Variants in CCNF observed in about 807,000 individuals in gnomAD.
The protein encoded by CCNF is cyclin F, also known as cyclin-F.
In CCNF, 30 loss-of-function variants were observed where a neutral mutation model predicts 85.4. That is an observed-to-expected ratio of 0.35 (90% confidence interval 0.26 to 0.48). The LOEUF (loss-of-function observed/expected upper bound fraction) is 0.48. CCNF is among the 20% of genes least tolerant of loss of function. CCNF has a pLI of 0.99. For synonymous variants in CCNF, 439 were observed against 425.1 expected, an observed-to-expected ratio of 1.03 and a Z score of -0.40; for missense variants, 919 against 1,010.4, an observed-to-expected ratio of 0.91 and a Z score of 1.23.
In CCNF at chr16:2,431,217, T is replaced by A. The variant is rs2065260867; in HGVS notation, c.104T>A (p.Leu35His). The change falls in exon 2 of 17, where the codon CTC (leucine) becomes CAC (histidine). Residue 35 changes from leucine (L) to histidine (H), a missense_variant. Around this residue, in one of 3 missense-constraint regions of CCNF, gnomAD observed 410 missense variants for 478.6 expected, o/e 0.86. Coordinates refer to ENST00000397066, the MANE Select transcript of CCNF (RefSeq NM_001761.3). ...RRPRNLTILSLPEDVLFHILK... is the reference protein window; with the variant it reads ...RRPRNLTILSHPEDVLFHILK... ...CCCCGAAACCTGACCATCTTGAGTC[T>A]CCCCGAAGATGTGCTCTTTCACATC... 1.2e-6 allele frequency: 2 copies of A among 1,614,114 alleles called. No homozygotes were observed. The highest frequency in any genetic ancestry group is 4.5e-5 in the East Asian group (2 of 44,884).
chr16:2,440,586 CTCTG>C (rs1413676263), intron 8 of CCNF, among the ~76,000 whole-genome samples: 1 of 152,058 alleles, frequency 6.6e-6, no homozygotes, highest in African/African-American at 2.4e-5. Context: ...CAGAGCAAGA[CTCTG>C]TCTGAAGGAA....
At chr16:2,449,220 T>A in intron 11 of CCNF, 62 bp from the exon 12 acceptor site, 1 of 1,570,806 alleles carries the variant, frequency 6.4e-7, no homozygotes, top group Non-Finnish European at 8.8e-7. Context: ...TGGGCCTGCA[T>A]GCGGCACTGC....
At chr16:2,445,146 G>T (rs796848982) in intron 9 of CCNF, among the ~76,000 whole-genome samples, 43 of 152,284 alleles carry the variant, frequency 2.8e-4, no homozygotes, top group African/African-American at 9.9e-4. Context: ...GAGGGTCAGG[G>T]TTCATCCACT....
chr16:2,445,518 C>T lies in CCNF; in HGVS notation c.990C>T (p.Cys330=). 2 of 1,614,146 alleles carry T rather than the reference C, an allele frequency of 1.2e-6. No homozygotes were observed. Among genetic ancestry groups the T allele is most frequent in the Non-Finnish European group, 1.7e-6 (2 of 1,180,022 alleles). ...VATMKDFTSL[C]LHLTVECVDR... is the part of the protein sequence containing the mutation. The stretch of plus-strand genomic sequence containing the variant: ...CCATGAAGGACTTCACAAGCCTGTG[C>T]CTGCACCTGACCGTGGAGTGTGTGG... Residue 330 remains cysteine (C), a synonymous_variant, in exon 10 of 17, where the codon TGC becomes TGT. Coordinates refer to ENST00000397066, the MANE Select transcript of CCNF (RefSeq NM_001761.3).
At chr16:2,430,929 T>A in intron 1 of CCNF, 1 of 739,888 alleles carries the variant, frequency 1.4e-6, no homozygotes, top group Non-Finnish European at 2.4e-6. Flanking sequence ...ATGAATGATC[T>A]CTTCTGTAAT....
In CCNF at chr16:2,451,206, G is replaced by C. The variant is rs899435415; in HGVS notation, c.1487+1291G>C. On this transcript the variant is annotated intron_variant, in intron 13 of 16. Coordinates refer to ENST00000397066, the MANE Select transcript of CCNF (RefSeq NM_001761.3). The surrounding 1 kb of genome is among the most constrained non-coding windows in gnomAD (Gnocchi z 4.3). The stretch of plus-strand genomic sequence containing the variant: ...GAGTTCAGAGGTCAGGTCGTGACGA[G>C]AGAAACAGCAGGCAGGCGCGCGGGG... Among the ~76,000 whole-genome samples, 16 of 152,252 alleles carry C rather than the reference G, an allele frequency of 1.1e-4. No individual in the cohort carries two copies. Among genetic ancestry groups the C allele is most frequent in the Non-Finnish European group, 1.8e-4 (12 of 68,050 alleles).
At chr16:2,447,779 A>C (rs1346732044) in intron 10 of CCNF, among the ~76,000 whole-genome samples, 1 of 151,636 alleles carries the variant, frequency 6.6e-6, no homozygotes, top group Non-Finnish European at 1.5e-5. Flanking sequence ...TTAAAGGCTG[A>C]GCTGCCCCCC....
rs746391273 is a variant in CCNF at position 2,439,501 on chromosome 16, A to G, written c.699+44A>G. Reference sequence around the variant, plus strand: ...GGGTCGGGGGGAGTTATGCTGGACAAAGGCGTAGTTGATGCTGGTCCTTGG... The same window carrying G: ...GGGTCGGGGGGAGTTATGCTGGACAGAGGCGTAGTTGATGCTGGTCCTTGG... On this transcript the variant is annotated intron_variant, in intron 7 of 16. Coordinates refer to ENST00000397066, the MANE Select transcript of CCNF (RefSeq NM_001761.3). 2.2e-5 allele frequency: 31 copies of G among 1,385,348 alleles called. No homozygotes were observed. In the East Asian group the frequency reaches 6.5e-4, roughly 29 times the overall value. The allele number at this position is 1,385,348 out of a possible 1,614,324, so 85.8% of individuals were successfully genotyped here.
At chr16:2,436,816 G>T (rs954071216) in intron 4 of CCNF, 1 of 226,346 alleles carries the variant, frequency 4.4e-6, no homozygotes, top group East Asian at 9.2e-5. Flanking sequence ...GGGGTCAGGC[G>T]GTGGTTCCCA....
chr16:2,430,360 G>A (rs959289898), intron 1 of CCNF, among the ~76,000 whole-genome samples: 1 of 152,160 alleles, frequency 6.6e-6, no homozygotes, highest in Non-Finnish European at 1.5e-5. Flanking sequence ...TGAGGAAGGG[G>A]TTGCTGGAGT....
intron 6 of CCNF, among the ~76,000 whole-genome samples, chr16:2,438,590 C>T (rs1450496479): frequency 2.0e-5 from 3 of 148,824 alleles, no homozygotes; most frequent in South Asian, 2.1e-4. Context: ...TGCAGTGAGC[C>T]GAGATTGCAC....
Position 2,440,922 on chromosome 16 carries a change from C to T in CCNF, c.777+1096C>T, listed in dbSNP as rs112608915. On this transcript the variant is annotated intron_variant, in intron 8 of 16. Transcript: ENST00000397066. The stretch of plus-strand genomic sequence containing the variant: ...CTGGCAACATAGTGAGACTCCATCT[C>T]GACAAAAAATTTTAAAATTAGCTGG... Among the ~76,000 whole-genome samples the T allele has an allele frequency of 6.5e-3, 987 of 152,094 alleles. 13 individuals are homozygous for T. Among genetic ancestry groups the T allele is most frequent in the African/African-American group, 0.022 (930 of 41,492 alleles).
At chr16:2,440,785 C>A (rs995765212) in intron 8 of CCNF, among the ~76,000 whole-genome samples, 1 of 151,928 alleles carries the variant, frequency 6.6e-6, no homozygotes, top group South Asian at 2.1e-4. Context: ...GTCCAAAAAG[C>A]CAGTCTACAG....
At chr16:2,448,687 C>T (rs922967230) in intron 10 of CCNF, among the ~76,000 whole-genome samples, 168 bp from the exon 11 acceptor site, 1 of 152,166 alleles carries the variant, frequency 6.6e-6, no homozygotes, top group Non-Finnish European at 1.5e-5. Flanking sequence ...TTAAATGCCC[C>T]TTGTCAGCCA....
At chr16:2,442,733 CAT>C (rs796533241) in intron 8 of CCNF, among the ~76,000 whole-genome samples, 5,255 of 11,776 alleles carry the variant, frequency 0.45, 2,364 homozygotes, top group East Asian at 0.8. Flanking sequence ...TATTGTATAA[CAT>C]ATAATTATAT....
chr16:2,436,039 A>T (rs2065289403), intron 4 of CCNF, 166 bp downstream of exon 4: 2 of 524,432 alleles, frequency 3.8e-6, no homozygotes, highest in Admixed American at 3.5e-5. Flanking sequence ...TACCCTGCTG[A>T]GGGACCTGCT....
At chr16:2,442,183 A>G (rs2065327078) in intron 8 of CCNF, among the ~76,000 whole-genome samples, 1 of 141,306 alleles carries the variant, frequency 7.1e-6, no homozygotes, top group South Asian at 2.2e-4. Context: ...AATTTTTTGT[A>G]TTTTTAGTAG....
At chr16:2,434,275 C>A (rs2065276710) in intron 3 of CCNF, among the ~76,000 whole-genome samples, 1 of 152,030 alleles carries the variant, frequency 6.6e-6, no homozygotes, top group Non-Finnish European at 1.5e-5. Flanking sequence ...CATTGCACTC[C>A]AGCCTGGGTG....
Position 2,437,011 on chromosome 16 carries a change from C to CT in CCNF, c.347-118_347-117insT, listed in dbSNP as rs34456414. ...TGGAGGGCTCTACTCTCCTGAAACA[C>CT]AGCTGCTTTGCACTATGGTGGGCTT... On this transcript the variant is annotated intron_variant, in intron 4 of 16. Coordinates refer to ENST00000397066, the MANE Select transcript of CCNF (RefSeq NM_001761.3). 0.7 allele frequency: 550,272 copies of CT among 783,188 alleles called. 196,509 individuals carry two copies. The highest frequency in any genetic ancestry group is 0.92 in the African/African-American group (52,146 of 56,640). The allele number at this position is 783,188 out of a possible 1,614,324, so 48.5% of individuals were successfully genotyped here. A position where few individuals can be genotyped will look rare whatever the true frequency, so the allele number is the denominator to read the frequency against.
Sources: allele counts gnomAD v4.1 joint callset (sites outside exome capture counted in the v4.1 genomes callset), GRCh38; gene constraint gnomAD v4.1.1; regional missense constraint gnomAD v4.1.1; non-coding constraint Gnocchi (gnomAD v3.1); transcripts MANE v1.5; gene names NCBI Gene and HGNC (gene_info 2026-07-23, HGNC 2026-07-21).